Variants in HDAC9 observed in about 807,000 individuals in gnomAD.
HDAC9 encodes the protein MEF-2 interacting transcription repressor (MITR) protein.
A neutral mutation model predicts 139.4 loss-of-function variants in HDAC9; 41 were observed. The observed-to-expected ratio is 0.29, with a 90% confidence interval of 0.23 to 0.38. The LOEUF (loss-of-function observed/expected upper bound fraction) is 0.38, where lower values mean the gene tolerates loss of function less well. Among genes scored for constraint, HDAC9 ranks in the 10% least tolerant of loss-of-function variants. HDAC9 has a pLI of 1.00. For synonymous variants in HDAC9, 517 were observed against 476.2 expected (o/e 1.09, Z -1.12); for missense variants, 1,147 against 1,297.0 (o/e 0.88, Z 1.78).
chr7:18,657,929 T>C (rs903779318), intron 11 of HDAC9, among the ~76,000 whole-genome samples: 3 of 152,064 alleles, frequency 2.0e-5, no homozygotes, highest in Admixed American at 2.0e-4. Context: ...CCTCTCTCTC[T>C]AGGCTCCAGC....
At chr7:18,783,006 A>C (rs1225159492) in intron 16 of HDAC9, among the ~76,000 whole-genome samples, 9 of 152,084 alleles carry the variant, frequency 5.9e-5, no homozygotes, top group Non-Finnish European at 1.0e-4. Flanking sequence ...GAATAGGATA[A>C]AGTAGAGGAG....
intron 13 of HDAC9, among the ~76,000 whole-genome samples, chr7:18,734,425 T>G (rs1390041494): frequency 6.6e-6 from 1 of 152,114 alleles, no homozygotes; most frequent in Admixed American, 6.5e-5. Flanking sequence ...ATCCCCGCCC[T>G]GAGTCCAAGT....
intron 13 of HDAC9, among the ~76,000 whole-genome samples, chr7:18,746,908 A>C (rs578259262): frequency 6.6e-6 from 1 of 152,352 alleles, no homozygotes; most frequent in Non-Finnish European, 1.5e-5. Flanking sequence ...CTAAGAGAGT[A>C]TATAGTAGGA....
intron 1 of HDAC9, among the ~76,000 whole-genome samples, chr7:18,308,239 A>G (rs1004204554): frequency 6.6e-6 from 1 of 152,258 alleles, no homozygotes; most frequent in Non-Finnish European, 1.5e-5. Flanking sequence ...TAGGTTAATT[A>G]AAATGTGAAA....
At chr7:18,978,750 ACTAT>A (rs1784710465) in intron 25 of HDAC9, among the ~76,000 whole-genome samples, 1 of 152,156 alleles carries the variant, frequency 6.6e-6, no homozygotes, top group Non-Finnish European at 1.5e-5. Flanking sequence ...GCATTTGTTG[ACTAT>A]CTGTTTCAAA....
At chr7:18,705,622 G>A (rs1050559393) in intron 12 of HDAC9, among the ~76,000 whole-genome samples, 1 of 151,894 alleles carries the variant, frequency 6.6e-6, no homozygotes, top group Non-Finnish European at 1.5e-5. Context: ...AGGCCGAAAC[G>A]GGCAGATTGC....
intron 2 of HDAC9, among the ~76,000 whole-genome samples, chr7:18,539,143 G>GA (rs1811886647): frequency 1.3e-5 from 2 of 152,144 alleles, no homozygotes; most frequent in African/African-American, 4.8e-5. Context: ...AGGGAACACA[G>GA]AAACACATTC....
chr7:18,165,574 C>T (rs1344080334), intron 2 of HDAC9, among the ~76,000 whole-genome samples: 2 of 151,964 alleles, frequency 1.3e-5, no homozygotes, highest in South Asian at 2.1e-4. Flanking sequence ...ATTGCTTGAG[C>T]CCCGGGGTTC....
At chr7:18,312,849 T>C (rs1021360287) in intron 1 of HDAC9, among the ~76,000 whole-genome samples, 20 of 152,086 alleles carry the variant, frequency 1.3e-4, no homozygotes, top group Admixed American at 5.2e-4. Flanking sequence ...CTTTAAAAGA[T>C]TTAAGAAATG....
intron 22 of HDAC9, among the ~76,000 whole-genome samples, chr7:18,889,779 C>G (rs1257750210): frequency 2.0e-5 from 3 of 152,176 alleles, no homozygotes; most frequent in Non-Finnish European, 2.9e-5. Context: ...TTCATTGCAG[C>G]CTTTAGCTCC....
chr7:18,370,845 C>A (rs1346778432), intron 1 of HDAC9, among the ~76,000 whole-genome samples: 1 of 152,208 alleles, frequency 6.6e-6, no homozygotes, highest in East Asian at 1.9e-4. Flanking sequence ...GATGGATGGA[C>A]TTGTTGAAAT....
intron 14 of HDAC9, among the ~76,000 whole-genome samples, chr7:18,761,771 T>C (rs1205719602): frequency 2.0e-5 from 3 of 152,126 alleles, no homozygotes; most frequent in Admixed American, 6.5e-5. Context: ...GAATAAAGAG[T>C]GTGTTCTAAC....
At chr7:18,426,920 C>T in intron 1 of HDAC9, among the ~76,000 whole-genome samples, 1 of 152,106 alleles carries the variant, frequency 6.6e-6, no homozygotes, top group East Asian at 1.9e-4. Context: ...AGTTTTTGGT[C>T]TTAACAATAG....
rs1786682282 is a variant in HDAC9 at position 19,000,162 on chromosome 7, A to G, written c.*4100A>G. The stretch of plus-strand genomic sequence containing the variant: ...CATTTTGTTGTCTTCAGAACTGATC[A>G]ACATGGTCATGATCATCATCAAATT... On this transcript the variant is annotated 3_prime_UTR_variant, in exon 26 of 26. Transcript: ENST00000686413. 1 of 152,250 alleles carries G rather than the reference A, an allele frequency of 6.6e-6. No individual in the cohort carries two copies. The highest frequency in any genetic ancestry group is 1.5e-5 in the Non-Finnish European group (1 of 68,042). The allele number at this position is 152,250 out of a possible 1,614,324, so 9.4% of individuals were successfully genotyped here.
At chr7:18,969,666 T>A (rs1784121440) in intron 24 of HDAC9, among the ~76,000 whole-genome samples, 1 of 151,986 alleles carries the variant, frequency 6.6e-6, no homozygotes, top group Non-Finnish European at 1.5e-5. Context: ...CCATGCAAAT[T>A]GACATTTTAG....
intron 22 of HDAC9, among the ~76,000 whole-genome samples, chr7:18,883,526 A>G (rs1441607518): frequency 1.3e-5 from 2 of 152,136 alleles, no homozygotes; most frequent in Non-Finnish European, 2.9e-5. Context: ...TTAGGTATGG[A>G]AGGAATGTAC....
chr7:18,916,033 A>AAAC (rs1374803777), intron 22 of HDAC9, among the ~76,000 whole-genome samples: 1 of 151,484 alleles, frequency 6.6e-6, no homozygotes, highest in East Asian at 1.9e-4. Flanking sequence ...AAAAAAAAAA[A>AAAC]AAAAACAGAA....
intron 1 of HDAC9, among the ~76,000 whole-genome samples, chr7:18,360,958 T>C (rs1783728064): frequency 6.6e-6 from 1 of 152,220 alleles, no homozygotes; most frequent in African/African-American, 2.4e-5. Flanking sequence ...TACCCTTGTC[T>C]GGGATCAGTT....
At chr7:18,461,102 G>C (rs766901205) in intron 1 of HDAC9, among the ~76,000 whole-genome samples, 70 of 152,084 alleles carry the variant, frequency 4.6e-4, no homozygotes, top group Non-Finnish European at 9.0e-4. Flanking sequence ...CAAATCTTGC[G>C]TATGTGTACG....
Sources: allele counts gnomAD v4.1 joint callset (sites outside exome capture counted in the v4.1 genomes callset), GRCh38; gene constraint gnomAD v4.1.1; transcripts MANE v1.5; gene names NCBI Gene and HGNC (gene_info 2026-07-23, HGNC 2026-07-21).